PRKN: variants seen among roughly 807,000 people sequenced by gnomAD.
The protein encoded by PRKN is parkin RBR E3 ubiquitin protein ligase.
Under a neutral mutation model 59.5 loss-of-function variants are expected in PRKN, and 56 were observed. That is an observed-to-expected ratio of 0.94 (90% CI 0.76 to 1.18). The LOEUF (loss-of-function observed/expected upper bound fraction) is 1.18. PRKN is among the 50% of genes most tolerant of loss of function. The pLI, the probability that PRKN is intolerant of heterozygous loss-of-function variation, is 0.00. For missense variants in PRKN, 657 were observed against 596.4 expected, an observed-to-expected ratio of 1.10 and a Z score of -1.06; for synonymous variants, 250 against 222.1, an observed-to-expected ratio of 1.13 and a Z score of -1.12.
In PRKN at chr6:162,327,773, G is replaced by A. The variant is rs562749018; in HGVS notation, c.172-65008C>T. On this transcript the variant is annotated intron_variant, in intron 2 of 11. Coordinates refer to ENST00000366898, the MANE Select transcript of PRKN (RefSeq NM_004562.3). ...GAAAGTTTTTTTCGGAGATCAGACC[G>A]TTATGATTTTTGGAAGTGTTTCCTG... Among the ~76,000 whole-genome samples, 8 of 152,276 alleles carry A rather than the reference G, an allele frequency of 5.3e-5. No homozygotes were observed. In the South Asian group the frequency reaches 1.2e-3, roughly 24 times the overall value.
intron 3 of PRKN, among the ~76,000 whole-genome samples, chr6:162,204,709 G>GT (rs141650101): frequency 0.28 from 34,780 of 125,708 alleles, 4,376 homozygotes; most frequent in South Asian, 0.45. Flanking sequence ...TTATTCAGAA[G>GT]TTTTGTTTTT....
Position 161,453,379 on chromosome 6 carries a change from C to T in PRKN, c.1084-66502G>A, listed in dbSNP as rs567463077. ...GACTCTTGCCTGTGTAGATAAACAACGTGTGTTTTCTATCACCTTGGCTTG... is the reference window on the plus strand; with the variant it reads ...GACTCTTGCCTGTGTAGATAAACAATGTGTGTTTTCTATCACCTTGGCTTG... On this transcript the variant is annotated intron_variant, in intron 9 of 11. Coordinates refer to ENST00000366898, the MANE Select transcript of PRKN (RefSeq NM_004562.3). Among the ~76,000 whole-genome samples the T allele has an allele frequency of 1.1e-4, 17 of 151,904 alleles. No homozygotes were observed. The South Asian group carries it at 2.7e-3, about 24-fold the overall frequency.
chr6:161,892,623 G>C (rs1489905240), intron 6 of PRKN, among the ~76,000 whole-genome samples: 1 of 152,020 alleles, frequency 6.6e-6, no homozygotes, highest in African/African-American at 2.4e-5. Flanking sequence ...GAGGTGGGAG[G>C]ATCTACTCAA....
At chr6:161,878,122 C>T (rs1457644526) in intron 6 of PRKN, among the ~76,000 whole-genome samples, 1 of 152,134 alleles carries the variant, frequency 6.6e-6, no homozygotes, top group Admixed American at 6.5e-5. Context: ...AAGCTAGTGG[C>T]TCGGAATGGG....
intron 5 of PRKN, among the ~76,000 whole-genome samples, chr6:161,992,157 G>A (rs1477034218): frequency 6.6e-6 from 1 of 152,018 alleles, no homozygotes; most frequent in Non-Finnish European, 1.5e-5. Context: ...TGGCCAACAT[G>A]GTGAAACCCC....
chr6:162,039,085 G>A (rs1783959926), intron 5 of PRKN, among the ~76,000 whole-genome samples: 1 of 152,070 alleles, frequency 6.6e-6, no homozygotes, highest in South Asian at 2.1e-4. Context: ...GAACCCAGGA[G>A]GCGCAGCTTG....
intron 2 of PRKN, among the ~76,000 whole-genome samples, chr6:162,360,867 T>A (rs1238307675): frequency 1.3e-5 from 2 of 152,166 alleles, no homozygotes; most frequent in Non-Finnish European, 2.9e-5. Flanking sequence ...TTAAAAATGG[T>A]AAAAGGATAA....
At chr6:162,085,221 C>T (rs888295130) in intron 4 of PRKN, among the ~76,000 whole-genome samples, 4 of 150,624 alleles carry the variant, frequency 2.7e-5, no homozygotes, top group Non-Finnish European at 4.4e-5. Context: ...ACAAATCCCA[C>T]CATGTTGTAT....
At chr6:162,503,721 T>C (rs144477504) in intron 1 of PRKN, among the ~76,000 whole-genome samples, 43 of 152,148 alleles carry the variant, frequency 2.8e-4, no homozygotes, top group African/African-American at 7.9e-4. Flanking sequence ...AGTGGGAAAA[T>C]ACCTACAATG....
At chr6:161,653,945 C>CT (rs1214632197) in intron 7 of PRKN, among the ~76,000 whole-genome samples, 2 of 152,108 alleles carry the variant, frequency 1.3e-5, no homozygotes, top group African/African-American at 4.8e-5. Context: ...AAACAGAACT[C>CT]TATTAAACAT....
chr6:162,456,767 CTTGT>C (rs1457899912), intron 1 of PRKN, among the ~76,000 whole-genome samples: 1 of 152,116 alleles, frequency 6.6e-6, no homozygotes, highest in Non-Finnish European at 1.5e-5. Flanking sequence ...TTAAAGACAG[CTTGT>C]TTATTACATT....
At chr6:162,686,363 G>A (rs1196848396) in intron 1 of PRKN, among the ~76,000 whole-genome samples, 1 of 152,140 alleles carries the variant, frequency 6.6e-6, no homozygotes, top group Non-Finnish European at 1.5e-5. Context: ...GAACAAGGAA[G>A]TCATGTCCAC....
rs80016202 is a variant in PRKN at position 162,399,796 on chromosome 6, A to G, written c.171+43514T>C. 9.2e-3 allele frequency among the ~76,000 whole-genome samples: 1,395 copies of G among 152,290 alleles called. 22 individuals carry two copies. The highest frequency in any genetic ancestry group is 0.029 in the African/African-American group (1,202 of 41,550). On this transcript the variant is annotated intron_variant, in intron 2 of 11. Coordinates refer to ENST00000366898, the MANE Select transcript of PRKN (RefSeq NM_004562.3). ...CTTAAGGAACAACTGAAAAAAAAAT[A>G]AAAATAAGATGTGAAGTGACACAAA...
At chr6:161,985,796 T>C (rs1274497230) in intron 5 of PRKN, among the ~76,000 whole-genome samples, 4 of 152,134 alleles carry the variant, frequency 2.6e-5, no homozygotes, top group African/African-American at 9.7e-5. Context: ...ACCTCTCCCT[T>C]GGCCTGCCAT....
At chr6:162,394,026 A>G (rs1787351481) in intron 2 of PRKN, among the ~76,000 whole-genome samples, 1 of 152,166 alleles carries the variant, frequency 6.6e-6, no homozygotes, top group African/African-American at 2.4e-5. Flanking sequence ...AAAGCATTAT[A>G]TATTTTCAAA....
At chr6:162,250,257 G>C (rs973751753) in intron 3 of PRKN, among the ~76,000 whole-genome samples, 17 of 152,074 alleles carry the variant, frequency 1.1e-4, no homozygotes, top group African/African-American at 4.1e-4. Context: ...ACAACTAGAT[G>C]TCCTTTTGGT....
In PRKN at chr6:161,355,195, T is replaced by C. The variant is rs1379995229; in HGVS notation, c.1285+4893A>G. Reference sequence around the variant, plus strand: ...CCCGGTGTCTTTGCTCATGCAGTCCTGGGGCCTAGGACGCCTCCTCCTGCT... The same window carrying C: ...CCCGGTGTCTTTGCTCATGCAGTCCCGGGGCCTAGGACGCCTCCTCCTGCT... On this transcript the variant is annotated intron_variant, in intron 11 of 11. Coordinates refer to ENST00000366898, the MANE Select transcript of PRKN (RefSeq NM_004562.3). The surrounding 1 kb of genome is among the most constrained non-coding windows in gnomAD (Gnocchi z 6.8). 6.6e-6 allele frequency among the ~76,000 whole-genome samples: 1 copy of C among 152,234 alleles called. No individual in the cohort carries two copies. The highest frequency in any genetic ancestry group is 1.5e-5 in the Non-Finnish European group (1 of 68,046).
chr6:161,714,106 C>T (rs1226047751), intron 7 of PRKN, among the ~76,000 whole-genome samples: 3 of 152,164 alleles, frequency 2.0e-5, no homozygotes, highest in Non-Finnish European at 2.9e-5. Context: ...CGGATACACA[C>T]GGTGATTCAC....
chr6:161,646,469 AGTGGTGACT>A (rs1783952954), intron 7 of PRKN, among the ~76,000 whole-genome samples: 1 of 113,972 alleles, frequency 8.8e-6, no homozygotes, highest in South Asian at 3.1e-4. Flanking sequence ...TATTAGTGAC[AGTGGTGACT>A]GCGTGTGCAT....
Sources: gnomAD v4.1 joint callset for allele counts (sites outside exome capture counted in the v4.1 genomes callset) on GRCh38, gnomAD v4.1.1 for gene constraint, Gnocchi (gnomAD v3.1) non-coding constraint, MANE v1.5 for transcripts, NCBI Gene and HGNC (gene_info 2026-07-23, HGNC 2026-07-21) for gene names.